Variants in CDK14 observed in about 807,000 individuals in gnomAD.
CDK14 encodes the protein cyclin-dependent kinase 14.
CDK14 carries 34 observed loss-of-function variants against 60.7 expected under a neutral mutation model. The ratio of observed to expected loss-of-function variants is 0.56; its 90% CI spans 0.43 to 0.75. The LOEUF is 0.75. Ranked by LOEUF, CDK14 falls within the 30% of genes least tolerant of loss-of-function variation. CDK14 has a pLI of 0.00. For missense variants in CDK14, 482 were observed against 564.1 expected, an observed-to-expected ratio of 0.85 and a Z score of 1.47; for synonymous variants, 197 against 203.7, an observed-to-expected ratio of 0.97 and a Z score of 0.28.
At chr7:90,769,758 C>A (rs115714265) in intron 4 of CDK14, among the ~76,000 whole-genome samples, 1 of 152,170 alleles carries the variant, frequency 6.6e-6, no homozygotes, top group Non-Finnish European at 1.5e-5. Context: ...TGATCCTCTG[C>A]GCCTGGCTGA....
intron 12 of CDK14, among the ~76,000 whole-genome samples, chr7:91,111,446 A>G (rs1799465856): frequency 6.6e-6 from 1 of 152,170 alleles, no homozygotes; most frequent in Non-Finnish European, 1.5e-5. Context: ...GAGTCACTGT[A>G]TATATTGCAC....
rs1170664262 is a variant in CDK14 at position 90,649,304 on chromosome 7, C to CT, written c.123+45058dup. On this transcript the variant is annotated intron_variant, in intron 2 of 14. Coordinates refer to ENST00000380050, the MANE Select transcript of CDK14 (RefSeq NM_001287135.2). ...TCTTTCTTTCTTTCTTTCTTTCTTT[C>CT]TTTCTTTCCTTCCTTCCTTCCTTCC... 4.5e-3 allele frequency among the ~76,000 whole-genome samples: 300 copies of CT among 66,428 alleles called. 6 individuals are homozygous for CT. The highest frequency in any genetic ancestry group is 0.02 in the African/African-American group (279 of 14,190). The allele number at this position is 66,428 out of a possible 152,430, so 43.6% of individuals were successfully genotyped here.
intron 6 of CDK14, among the ~76,000 whole-genome samples, chr7:90,895,315 T>TCTTTCCTCTTCTTTCCTCTC (rs1449158138): frequency 6.0e-4 from 42 of 69,816 alleles, no homozygotes; most frequent in African/African-American, 7.1e-4. Flanking sequence ...TCTTTCCTCT[T>TCTTTCCTCTTCTTTCCTCTC]CTTTCCTCTC....
intron 8 of CDK14, among the ~76,000 whole-genome samples, chr7:90,939,064 A>G (rs950762710): frequency 2.0e-5 from 3 of 152,240 alleles, no homozygotes; most frequent in African/African-American, 7.2e-5. Flanking sequence ...AAAATATTTA[A>G]TGAGGGAAAC....
At chr7:90,735,986 G>A (rs1313630857) in intron 3 of CDK14, among the ~76,000 whole-genome samples, 1 of 152,206 alleles carries the variant, frequency 6.6e-6, no homozygotes, top group Non-Finnish European at 1.5e-5. Flanking sequence ...TGGTCTTCCG[G>A]TTGCAAACAC....
chr7:90,825,823 C>G (rs902547550), intron 5 of CDK14, among the ~76,000 whole-genome samples: 1 of 152,122 alleles, frequency 6.6e-6, no homozygotes. Context: ...TTATTTAAAA[C>G]TTTTATTACT....
intron 2 of CDK14, among the ~76,000 whole-genome samples, chr7:90,715,651 A>C (rs1802221604): frequency 1.6e-5 from 2 of 124,142 alleles, no homozygotes; most frequent in Non-Finnish European, 1.6e-5. Flanking sequence ...ATTTGCAGGA[A>C]TAGACCTTTT....
chr7:90,670,637 C>G (rs1029380667), intron 2 of CDK14, among the ~76,000 whole-genome samples: 1 of 149,946 alleles, frequency 6.7e-6, no homozygotes, highest in South Asian at 2.1e-4. Flanking sequence ...CATCACTTGG[C>G]AAGAGCAGGA....
intron 2 of CDK14, among the ~76,000 whole-genome samples, chr7:90,654,405 G>A (rs1026039720): frequency 2.6e-5 from 4 of 152,168 alleles, no homozygotes; most frequent in African/African-American, 9.7e-5. Context: ...TTTCTACCAT[G>A]TATATTAACT....
intron 14 of CDK14, among the ~76,000 whole-genome samples, chr7:91,180,764 G>T (rs576516936): frequency 1.3e-5 from 2 of 152,300 alleles, no homozygotes; most frequent in Admixed American, 1.3e-4. Context: ...AACTTGACTG[G>T]GATTTAGAGG....
chr7:90,986,414 C>A lies in CDK14; in HGVS notation c.1041+2173C>A, dbSNP rs139398041. 2.0e-4 allele frequency among the ~76,000 whole-genome samples: 30 copies of A among 152,014 alleles called. 1 individual carries two copies. In the East Asian group the frequency reaches 5.8e-3, roughly 29 times the overall value. On this transcript the variant is annotated intron_variant, in intron 10 of 14. Coordinates refer to ENST00000380050, the MANE Select transcript of CDK14 (RefSeq NM_001287135.2). ...CATCCCTTCATTTAAACTCATGAAA[C>A]CTACTCCCAAGAAAATCTCTTATTC... is the stretch of plus-strand genomic sequence containing the variant.
intron 14 of CDK14, among the ~76,000 whole-genome samples, chr7:91,146,389 C>A (rs893185553): frequency 6.6e-6 from 1 of 152,102 alleles, no homozygotes; most frequent in African/African-American, 2.4e-5. Flanking sequence ...TTAGTAGAGT[C>A]AGGGTTTTGC....
intron 2 of CDK14, among the ~76,000 whole-genome samples, chr7:90,682,214 A>G (rs1801331389): frequency 6.6e-6 from 1 of 152,194 alleles, no homozygotes; most frequent in African/African-American, 2.4e-5. Context: ...TCCAGTAAAC[A>G]GTAATAACCT....
chr7:90,949,178 G>T (rs1227511618), intron 8 of CDK14, among the ~76,000 whole-genome samples: 1 of 151,960 alleles, frequency 6.6e-6, no homozygotes, highest in East Asian at 1.9e-4. Flanking sequence ...GTGTGTGTGT[G>T]TATAGTTTTT....
intron 5 of CDK14, among the ~76,000 whole-genome samples, chr7:90,844,117 C>G (rs1790386130): frequency 6.6e-6 from 1 of 152,132 alleles, no homozygotes; most frequent in South Asian, 2.1e-4. Flanking sequence ...ACATGCCTTG[C>G]AAGTTTAGCC....
chr7:90,685,958 T>A (rs896764736), intron 2 of CDK14, among the ~76,000 whole-genome samples: 7 of 152,090 alleles, frequency 4.6e-5, no homozygotes, highest in Non-Finnish European at 8.8e-5. Context: ...TTGATTGTAC[T>A]TTTTATTTAA....
chr7:91,000,575 A>G (rs1795809641), intron 10 of CDK14, among the ~76,000 whole-genome samples: 3 of 152,242 alleles, frequency 2.0e-5, no homozygotes, highest in Admixed American at 1.3e-4. Flanking sequence ...CTACAATGAC[A>G]GAGAGTACTC....
intron 14 of CDK14, among the ~76,000 whole-genome samples, chr7:91,201,934 A>G (rs974786493): frequency 3.3e-5 from 5 of 152,114 alleles, no homozygotes; most frequent in Non-Finnish European, 7.4e-5. Context: ...TTAGGTGTCA[A>G]TGGGGTGCCT....
At chr7:90,774,599 TG>T (rs939239306) in intron 4 of CDK14, among the ~76,000 whole-genome samples, 6 of 152,228 alleles carry the variant, frequency 3.9e-5, no homozygotes, top group African/African-American at 1.4e-4. Context: ...ACATTTTTAT[TG>T]GGGAAAATAA....
Sources: gnomAD v4.1 joint callset for allele counts (sites outside exome capture counted in the v4.1 genomes callset) on GRCh38, gnomAD v4.1.1 for gene constraint, MANE v1.5 for transcripts, NCBI Gene and HGNC (gene_info 2026-07-23, HGNC 2026-07-21) for gene names.